The following CCDC91 variants were observed in gnomAD, a reference collection of about 807,000 sequenced individuals.
The protein encoded by CCDC91 is coiled-coil domain-containing protein 91.
In CCDC91, 48 loss-of-function variants were observed where a neutral mutation model predicts 63.2. That is an observed-to-expected ratio of 0.76 (90% CI 0.60 to 0.97). The LOEUF is 0.97. CCDC91 is among the 50% of genes least tolerant of loss of function. The probability of loss-of-function intolerance (pLI) is 0.00; values close to 1 mark genes in which losing one functional copy is unlikely to be tolerated. For synonymous variants in CCDC91, 167 were observed against 165.8 expected (o/e 1.01, Z -0.06); for missense variants, 500 against 494.6 (o/e 1.01, Z -0.10).
At chr12:28,478,364 G>A (rs1176195979) in intron 11 of CCDC91, among the ~76,000 whole-genome samples, 3 of 152,124 alleles carry the variant, frequency 2.0e-5, no homozygotes, top group African/African-American at 7.2e-5. Context: ...AATGGGGAAA[G>A]GATTCCCAGT....
intron 8 of CCDC91, among the ~76,000 whole-genome samples, chr12:28,447,936 A>T (rs1949616228): frequency 6.6e-6 from 1 of 151,908 alleles, no homozygotes; most frequent in Non-Finnish European, 1.5e-5. Flanking sequence ...TTCAGGAAAC[A>T]TCTTATTTTA....
intron 8 of CCDC91, among the ~76,000 whole-genome samples, chr12:28,435,552 T>C (rs1172797654): frequency 6.6e-6 from 1 of 151,878 alleles, no homozygotes; most frequent in Non-Finnish European, 1.5e-5. Context: ...CTAGTGAATG[T>C]TCCATTTGAG....
chr12:28,475,360 A>C (rs577637366), intron 11 of CCDC91, among the ~76,000 whole-genome samples: 3 of 152,126 alleles, frequency 2.0e-5, no homozygotes, highest in African/African-American at 7.2e-5. Flanking sequence ...CTTCATAAGT[A>C]GCTGTTAGAG....
chr12:28,403,236 A>T (rs142753669), intron 8 of CCDC91, among the ~76,000 whole-genome samples: 1 of 152,256 alleles, frequency 6.6e-6, no homozygotes, highest in East Asian at 1.9e-4. Flanking sequence ...ATTTAATTAG[A>T]TGTTTTGTTG....
At chr12:28,465,228 A>G (rs1950495843) in intron 11 of CCDC91, among the ~76,000 whole-genome samples, 1 of 151,590 alleles carries the variant, frequency 6.6e-6, no homozygotes, top group Non-Finnish European at 1.5e-5. Flanking sequence ...ACAGTTTTTG[A>G]CTCTAGTCTT....
intron 6 of CCDC91, among the ~76,000 whole-genome samples, chr12:28,337,463 T>A (rs1171798240): frequency 6.6e-6 from 1 of 152,114 alleles, no homozygotes; most frequent in South Asian, 2.1e-4. Context: ...ATTGTTTTCT[T>A]TATTATTTTA....
intron 1 of CCDC91, among the ~76,000 whole-genome samples, chr12:28,250,845 A>T (rs558118508): frequency 6.6e-6 from 1 of 152,202 alleles, no homozygotes; most frequent in African/African-American, 2.4e-5. Context: ...ACTTAGGTAG[A>T]CAGTTACATT....
chr12:28,258,594 A>C (rs960641612), intron 2 of CCDC91, among the ~76,000 whole-genome samples: 1 of 152,024 alleles, frequency 6.6e-6, no homozygotes, highest in Non-Finnish European at 1.5e-5. Flanking sequence ...ACCCTTGGTT[A>C]TATAAAATAT....
intron 12 of CCDC91, among the ~76,000 whole-genome samples, chr12:28,530,604 A>G (rs1297313302): frequency 2.0e-5 from 3 of 152,144 alleles, no homozygotes; most frequent in East Asian, 3.9e-4. Context: ...CTCAGAGTGG[A>G]TAAGGATGTG....
chr12:28,365,137 T>C (rs1944191659), intron 7 of CCDC91, among the ~76,000 whole-genome samples: 1 of 152,202 alleles, frequency 6.6e-6, no homozygotes, highest in South Asian at 2.1e-4. Context: ...TAATCCATTT[T>C]AGCAAGTCAT....
chr12:28,350,422 A>G (rs2138235164), intron 6 of CCDC91, among the ~76,000 whole-genome samples: 1 of 152,314 alleles, frequency 6.6e-6, no homozygotes, highest in East Asian at 1.9e-4. Flanking sequence ...AGTAATTTGA[A>G]AAAGGCCATG....
intron 7 of CCDC91, among the ~76,000 whole-genome samples, chr12:28,368,069 G>A (rs1454177247): frequency 1.3e-5 from 2 of 152,110 alleles, no homozygotes; most frequent in Non-Finnish European, 2.9e-5. Flanking sequence ...GTTTTTCTGT[G>A]TATTTGTACA....
intron 6 of CCDC91, among the ~76,000 whole-genome samples, chr12:28,314,549 G>A (rs1238506542): frequency 3.3e-5 from 5 of 152,016 alleles, no homozygotes; most frequent in Middle Eastern, 6.8e-3. Flanking sequence ...TATAGTTTGC[G>A]GTCTTATGTA....
chr12:28,207,576 A>G (rs2135471055), intron 1 of CCDC91, among the ~76,000 whole-genome samples: 1 of 152,352 alleles, frequency 6.6e-6, no homozygotes, highest in Non-Finnish European at 1.5e-5. Context: ...CATGCATTGA[A>G]AATGACAAAT....
chr12:28,306,712 CTT>C (rs770076469), intron 4 of CCDC91, 28 bp from the exon 5 acceptor site: 10 of 1,471,032 alleles, frequency 6.8e-6, no homozygotes, highest in African/African-American at 1.4e-5. Context: ...ACTTTCCTCT[CTT>C]GTGTATTTTT....
chr12:28,525,222 T>C (rs1234354568), intron 12 of CCDC91, among the ~76,000 whole-genome samples: 1 of 152,148 alleles, frequency 6.6e-6, no homozygotes, highest in Non-Finnish European at 1.5e-5. Flanking sequence ...TCAGACTCTT[T>C]GATATAGGCG....
At chr12:28,464,065 T>C (rs1467220371) in intron 11 of CCDC91, among the ~76,000 whole-genome samples, 1 of 152,142 alleles carries the variant, frequency 6.6e-6, no homozygotes, top group Non-Finnish European at 1.5e-5. Context: ...GAGGCATTGA[T>C]TCAGTGCTGC....
intron 7 of CCDC91, among the ~76,000 whole-genome samples, chr12:28,385,357 T>G (rs146137649): frequency 3.3e-5 from 5 of 152,290 alleles, no homozygotes; most frequent in Non-Finnish European, 7.4e-5. Flanking sequence ...AAATCATGAT[T>G]AATTTGTTTA....
In CCDC91 at chr12:28,384,863, C is replaced by T. The variant is rs189541165; in HGVS notation, c.655-6441C>T. Among the ~76,000 whole-genome samples the T allele has an allele frequency of 3.3e-3, 508 of 152,134 alleles. 1 individual carries two copies. Among genetic ancestry groups the T allele is most frequent in the Non-Finnish European group, 5.0e-3 (341 of 67,960 alleles). ...ATTCTGTAAAACGACTGCGATTCAT[C>T]ATTTTTACAAATGTACCTCATTCAA... On this transcript the variant is annotated intron_variant, in intron 7 of 12. Transcript: ENST00000536442.
Sources: allele counts gnomAD v4.1 joint callset (sites outside exome capture counted in the v4.1 genomes callset), GRCh38; gene constraint gnomAD v4.1.1; transcripts MANE v1.5; gene names NCBI Gene and HGNC (gene_info 2026-07-23, HGNC 2026-07-21).